LCP1: variants seen among roughly 807,000 people sequenced by gnomAD.
LCP1 encodes plastin-2.
Under a neutral mutation model 72.0 loss-of-function variants are expected in LCP1, and 23 were observed. The ratio of observed to expected loss-of-function variants is 0.32; its 90% CI spans 0.23 to 0.45. The LOEUF (loss-of-function observed/expected upper bound fraction) is 0.45, where lower values mean the gene tolerates loss of function less well. Ranked by LOEUF, LCP1 falls within the 20% of genes least tolerant of loss-of-function variation. The pLI is 1.00. For missense variants in LCP1, 571 were observed against 748.3 expected (o/e 0.76, Z 2.76); for synonymous variants, 245 against 275.4 (o/e 0.89, Z 1.09).
intron 1 of LCP1, among the ~76,000 whole-genome samples, chr13:46,163,138 AC>A (rs2045854842): frequency 6.6e-6 from 1 of 152,194 alleles, no homozygotes. Flanking sequence ...TGGGAGGTGT[AC>A]CCAACAGCTC....
At position 46,127,236 on chromosome 13, in the gene LCP1, T is replaced by A. The variant is rs1409429; in HGVS notation, c.*355A>T. ...TTGAACAAAGAAAAGGGAAGCCACATGAAGCTGGTTTGAAAGATTATATCA... is the reference window on the plus strand; with the variant it reads ...TTGAACAAAGAAAAGGGAAGCCACAAGAAGCTGGTTTGAAAGATTATATCA... On this transcript the variant is annotated 3_prime_UTR_variant, in exon 16 of 16. Transcript: ENST00000323076. 0.29 allele frequency: 73,681 copies of A among 250,650 alleles called. 11,339 individuals carry two copies. Among genetic ancestry groups the A allele is most frequent in the South Asian group, 0.42 (3,128 of 7,382 alleles). 15.5% of individuals were successfully genotyped at this position (250,650 alleles called of 1,614,324 possible).
intron 7 of LCP1, among the ~76,000 whole-genome samples, chr13:46,151,562 C>T (rs1366689745): frequency 6.6e-6 from 1 of 152,208 alleles, no homozygotes; most frequent in Non-Finnish European, 1.5e-5. Context: ...CTCTCCTCTA[C>T]GTTTTCCCAG....
Position 46,170,311 on chromosome 13 carries a change from G to A in LCP1, c.-24-10625C>T, listed in dbSNP as rs74074040. Among the ~76,000 whole-genome samples, 1,460 of 152,348 alleles carry A rather than the reference G, an allele frequency of 9.6e-3. 25 individuals are homozygous for A. The highest frequency in any genetic ancestry group is 0.032 in the African/African-American group (1,347 of 41,576). On this transcript the variant is annotated intron_variant, in intron 1 of 15. Coordinates refer to ENST00000323076, the MANE Select transcript of LCP1 (RefSeq NM_002298.5). ...GTGTCTAAAGGGCAGCTGCTGGCCC[G>A]AGGTAGTCTGTGAAATGGCACCTGT...
At chr13:46,162,561 G>C (rs7329161) in intron 1 of LCP1, among the ~76,000 whole-genome samples, 44,618 of 151,824 alleles carry the variant, frequency 0.29, 8,020 homozygotes, top group African/African-American at 0.5. Context: ...CTCGGCCTCC[G>C]GAGGTGCTGG....
chr13:46,149,665 C>T (rs2045751989), intron 8 of LCP1, among the ~76,000 whole-genome samples: 1 of 152,190 alleles, frequency 6.6e-6, no homozygotes, highest in Admixed American at 6.5e-5. Flanking sequence ...AGAGAACAGG[C>T]ACAACACTGT....
At position 46,162,867 on chromosome 13, in the gene LCP1, A is replaced by C. The variant is rs1163697612; in HGVS notation, c.-24-3181T>G. On this transcript the variant is annotated intron_variant, in intron 1 of 15. Coordinates refer to ENST00000323076, the MANE Select transcript of LCP1 (RefSeq NM_002298.5). ...TCTGGGAGGTGAGGAGCGTCTCTGCACGGCTGCCCCGTCTGAGAAGTGAGG... is the reference window on the plus strand; with the variant it reads ...TCTGGGAGGTGAGGAGCGTCTCTGCCCGGCTGCCCCGTCTGAGAAGTGAGG... 4.7e-3 allele frequency among the ~76,000 whole-genome samples: 664 copies of C among 141,018 alleles called. 3 individuals carry two copies. Among genetic ancestry groups the C allele is most frequent in the African/African-American group, 0.017 (636 of 36,952 alleles). 92.5% of individuals were successfully genotyped at this position (141,018 alleles called of 152,430 possible).
chr13:46,160,467 AACAGAT>A (rs1226915863), intron 1 of LCP1, among the ~76,000 whole-genome samples: 1 of 152,226 alleles, frequency 6.6e-6, no homozygotes, highest in East Asian at 1.9e-4. Context: ...TGACCAAGCC[AACAGAT>A]ACAGTTTATA....
Position 46,134,122 on chromosome 13 carries a change from T to A in LCP1, c.1626+5A>T, listed in dbSNP as rs530085015. On this transcript the variant is annotated splice_donor_5th_base_variant and intron_variant, in intron 14 of 15. Coordinates refer to ENST00000323076, the MANE Select transcript of LCP1 (RefSeq NM_002298.5). Reference sequence around the variant, plus strand: ...TGGCCTCTAGCAGAAGACAAAGAATTTTACCTTGAAACTAGAGATGGATGA... The same window carrying A: ...TGGCCTCTAGCAGAAGACAAAGAATATTACCTTGAAACTAGAGATGGATGA... 4 of 1,613,356 alleles carry A rather than the reference T, an allele frequency of 2.5e-6. No individual in the cohort carries two copies. In the East Asian group the frequency reaches 8.9e-5, roughly 36 times the overall value.
In LCP1 at chr13:46,156,514, C is replaced by T. The variant is rs781188538; in HGVS notation, c.415G>A (p.Asp139Asn). 1 of 1,614,172 alleles carries T rather than the reference C, an allele frequency of 6.2e-7. No individual in the cohort carries two copies. The highest frequency in any genetic ancestry group is 1.1e-5 in the South Asian group (1 of 91,080). The change falls in exon 5 of 16, where the codon GAT becomes AAT. Residue 139 changes from aspartate to asparagine, a missense_variant. Transcript: ENST00000323076. ...TTCATTGGGATGACATGCCGACAAT[C>T]AGGATCATTTTCCAGGGCTTTGTTT... ...WINKALENDP[D>N]CRHVIPMNPN...
At chr13:46,151,344 A>C (rs1183258158) in intron 7 of LCP1, among the ~76,000 whole-genome samples, 6 of 152,244 alleles carry the variant, frequency 3.9e-5, no homozygotes, top group African/African-American at 1.4e-4. Context: ...ATGTTTAAGA[A>C]CATTTGGGCA....
intron 9 of LCP1, among the ~76,000 whole-genome samples, chr13:46,147,825 C>T (rs1364827663): frequency 6.6e-6 from 1 of 152,100 alleles, no homozygotes; most frequent in Admixed American, 6.6e-5. Context: ...GAAAACAAAA[C>T]TTTAAATTAG....
At chr13:46,130,687 GA>G in intron 15 of LCP1, 126 bp downstream of exon 15, 1 of 1,143,604 alleles carries the variant, frequency 8.7e-7, no homozygotes, top group Non-Finnish European at 1.2e-6. Flanking sequence ...AGAAAGTCAT[GA>G]GAAGGAAAAG....
At chr13:46,163,534 A>G (rs1229457120) in intron 1 of LCP1, among the ~76,000 whole-genome samples, 1 of 151,574 alleles carries the variant, frequency 6.6e-6, no homozygotes, top group East Asian at 1.9e-4. Flanking sequence ...GGAAAACCAG[A>G]CACCTTTGTT....
At chr13:46,154,721 C>T (rs2045789739) in intron 6 of LCP1, 84 bp downstream of exon 6, 5 of 1,085,790 alleles carry the variant, frequency 4.6e-6, no homozygotes, top group Admixed American at 1.8e-5. Flanking sequence ...GATGTCTGAG[C>T]CCCTGAAAAA....
At position 46,147,008 on chromosome 13, in the gene LCP1, C is replaced by T. The variant is rs916294757; in HGVS notation, c.1074G>A (p.Gly358=). 6.2e-7 allele frequency: 1 copy of T among 1,614,030 alleles called. No individual in the cohort carries two copies. Among genetic ancestry groups the T allele is most frequent in the Non-Finnish European group, 8.5e-7 (1 of 1,179,988 alleles). The stretch of plus-strand genomic sequence containing the variant: ...TAAAAGCCAAGTTCAACTTGGGGTT[C>T]CCTCGGACAACATCTGTGGCTGTGA... ...QFVTATDVVR[G]NPKLNLAFIA... is the part of the protein sequence containing the mutation. The change falls in exon 10 of 16, where the codon GGG becomes GGA. Residue 358 remains glycine (G), a synonymous_variant. Transcript: ENST00000323076.
At chr13:46,177,381 C>T (rs1021517425) in intron 1 of LCP1, among the ~76,000 whole-genome samples, 1 of 152,166 alleles carries the variant, frequency 6.6e-6, no homozygotes, top group Non-Finnish European at 1.5e-5. Flanking sequence ...GTGGCTCACG[C>T]CTGTAATCCC....
intron 1 of LCP1, among the ~76,000 whole-genome samples, chr13:46,165,374 A>G (rs768390296): frequency 6.6e-6 from 1 of 151,914 alleles, no homozygotes; most frequent in African/African-American, 2.4e-5. Flanking sequence ...ACCCCATTTC[A>G]AAAACAAAAA....
chr13:46,177,368 G>A (rs530704928), intron 1 of LCP1, among the ~76,000 whole-genome samples: 3 of 152,306 alleles, frequency 2.0e-5, no homozygotes, highest in South Asian at 2.1e-4. Context: ...AAGGCCGGGC[G>A]CGGTGGCTCA....
At chr13:46,178,945 G>T (rs573561149) in intron 1 of LCP1, among the ~76,000 whole-genome samples, 1 of 152,242 alleles carries the variant, frequency 6.6e-6, no homozygotes, top group East Asian at 1.9e-4. Context: ...ATACACAGAA[G>T]GGCCTGTACT....
Sources: gnomAD v4.1 joint callset for allele counts (sites outside exome capture counted in the v4.1 genomes callset) on GRCh38, gnomAD v4.1.1 for gene constraint, MANE v1.5 for transcripts, NCBI Gene and HGNC (gene_info 2026-07-23, HGNC 2026-07-21) for gene names.